Variants in SLC10A7 observed in about 807,000 individuals in gnomAD.
SLC10A7 encodes sodium/bile acid cotransporter 7.
SLC10A7 carries 29 observed loss-of-function variants against 43.2 expected under a neutral mutation model. The ratio of observed to expected loss-of-function variants is 0.67; its 90% CI spans 0.50 to 0.92. The LOEUF (loss-of-function observed/expected upper bound fraction) is 0.92, where lower values mean the gene tolerates loss of function less well. Ranked by LOEUF, SLC10A7 falls within the 40% of genes least tolerant of loss-of-function variation. The probability of loss-of-function intolerance (pLI) is 0.00; values close to 1 mark genes in which losing one functional copy is unlikely to be tolerated. For missense variants in SLC10A7, 295 were observed against 403.2 expected (o/e 0.73, Z 2.30); for synonymous variants, 152 against 144.8 (o/e 1.05, Z -0.35).
intron 5 of SLC10A7, among the ~76,000 whole-genome samples, chr4:146,390,266 G>A (rs148366506): frequency 6.6e-6 from 1 of 152,272 alleles, no homozygotes; most frequent in African/African-American, 2.4e-5. Flanking sequence ...GTACTGTAAA[G>A]CTAATAGTTA....
intron 5 of SLC10A7, among the ~76,000 whole-genome samples, chr4:146,332,432 G>A (rs537581580): frequency 1.4e-4 from 21 of 152,186 alleles, no homozygotes; most frequent in Non-Finnish European, 2.6e-4. Context: ...CACGGGGGTG[G>A]ATCCTTCATG....
chr4:146,357,194 T>C (rs903552473), intron 5 of SLC10A7, among the ~76,000 whole-genome samples: 3 of 152,230 alleles, frequency 2.0e-5, no homozygotes, highest in Non-Finnish European at 4.4e-5. Context: ...TATTTCTGTA[T>C]GTGCATAATT....
chr4:146,475,012 T>G (rs1733905489), intron 4 of SLC10A7, among the ~76,000 whole-genome samples: 1 of 152,164 alleles, frequency 6.6e-6, no homozygotes, highest in South Asian at 2.1e-4. Flanking sequence ...CCTAAGAACT[T>G]TATCTACCCA....
chr4:146,313,166 C>G (rs534646345), intron 6 of SLC10A7, among the ~76,000 whole-genome samples: 1 of 152,122 alleles, frequency 6.6e-6, no homozygotes, highest in Non-Finnish European at 1.5e-5. Context: ...TGACCCTACC[C>G]GCTTAAGGAG....
intron 5 of SLC10A7, among the ~76,000 whole-genome samples, chr4:146,395,553 C>T (rs1252458693): frequency 6.6e-6 from 1 of 152,180 alleles, no homozygotes; most frequent in Non-Finnish European, 1.5e-5. Flanking sequence ...CATATTGGTG[C>T]ACCTAATAGA....
rs759531131 is a variant in SLC10A7 at position 146,479,234 on chromosome 4, T to G, written c.396+24615A>C. On this transcript the variant is annotated intron_variant, in intron 4 of 11. Transcript: ENST00000335472. ...AACGCACTCATCTCTGATCTATTATTAAGAGAAATTGGGCATTTTAGGTTT... is the reference window on the plus strand; with the variant it reads ...AACGCACTCATCTCTGATCTATTATGAAGAGAAATTGGGCATTTTAGGTTT... 1.8e-4 allele frequency among the ~76,000 whole-genome samples: 27 copies of G among 152,170 alleles called. 1 individual carries two copies. Among genetic ancestry groups the G allele is most frequent in the South Asian group, 6.2e-4 (3 of 4,818 alleles).
intron 5 of SLC10A7, among the ~76,000 whole-genome samples, chr4:146,412,135 C>G (rs778846774): frequency 2.1e-5 from 3 of 142,372 alleles, no homozygotes; most frequent in African/African-American, 5.1e-5. Flanking sequence ...TGTCTTTTAT[C>G]TTCACTCTGT....
chr4:146,370,840 A>G (rs1380439150), intron 5 of SLC10A7, among the ~76,000 whole-genome samples: 11 of 152,198 alleles, frequency 7.2e-5, no homozygotes, highest in Non-Finnish European at 1.5e-5. Context: ...ATGACTAGAG[A>G]GTGAAGATCT....
In SLC10A7 at chr4:146,488,165, G is replaced by A. The variant is rs557951850; in HGVS notation, c.396+15684C>T. On this transcript the variant is annotated intron_variant, in intron 4 of 11. Transcript: ENST00000335472. The stretch of plus-strand genomic sequence containing the variant: ...ACGATCATACCACTGTACTTCTGCC[G>A]TGGTGACAGACTGAGACCCTGCCTC... 1.2e-4 allele frequency among the ~76,000 whole-genome samples: 18 copies of A among 152,010 alleles called. No homozygotes were observed. The South Asian group carries it at 1.5e-3, about 12-fold the overall frequency.
chr4:146,464,792 C>T (rs1732859676), intron 4 of SLC10A7, among the ~76,000 whole-genome samples: 1 of 152,048 alleles, frequency 6.6e-6, no homozygotes, highest in Non-Finnish European at 1.5e-5. Context: ...TTTTAGGTTG[C>T]AAGCAAAATA....
chr4:146,301,490 A>G (rs1413919972), intron 7 of SLC10A7, among the ~76,000 whole-genome samples: 1 of 152,154 alleles, frequency 6.6e-6, no homozygotes, highest in Non-Finnish European at 1.5e-5. Context: ...GGAGAGGAAT[A>G]ATATGAATTG....
chr4:146,425,173 A>G (rs1180733867), intron 5 of SLC10A7, among the ~76,000 whole-genome samples: 2 of 152,236 alleles, frequency 1.3e-5, no homozygotes, highest in African/African-American at 4.8e-5. Context: ...AATTCACTAG[A>G]GAAGACTGGA....
chr4:146,352,586 T>C (rs1207922297), intron 5 of SLC10A7, among the ~76,000 whole-genome samples: 7 of 147,346 alleles, frequency 4.8e-5, no homozygotes, highest in East Asian at 2.0e-4. Flanking sequence ...AATATACATT[T>C]TTTTCAGCAC....
chr4:146,303,319 C>T (rs1365049841), intron 7 of SLC10A7, among the ~76,000 whole-genome samples: 1 of 152,024 alleles, frequency 6.6e-6, no homozygotes, highest in East Asian at 1.9e-4. Flanking sequence ...CCCAGAGAAC[C>T]TGACCTAGGA....
intron 4 of SLC10A7, among the ~76,000 whole-genome samples, chr4:146,455,267 T>C (rs1731946172): frequency 6.6e-6 from 1 of 151,816 alleles, no homozygotes. Context: ...AACTTTAAAA[T>C]GGGCTTTTCC....
At position 146,495,020 on chromosome 4, in the gene SLC10A7, T is replaced by C. The variant is rs150619634; in HGVS notation, c.396+8829A>G. On this transcript the variant is annotated intron_variant, in intron 4 of 11. Transcript: ENST00000335472. ...GGAAAATAAGACTGAAGCTAAAAGG[T>C]AGATACAGTAGAAGAGTAGGGGCAT... Among the ~76,000 whole-genome samples the C allele has an allele frequency of 1.1e-4, 17 of 152,212 alleles. 1 individual carries two copies. Among genetic ancestry groups the C allele is most frequent in the African/African-American group, 3.6e-4 (15 of 41,526 alleles).
intron 6 of SLC10A7, among the ~76,000 whole-genome samples, chr4:146,322,749 G>T (rs1447893944): frequency 6.6e-6 from 1 of 152,136 alleles, no homozygotes; most frequent in East Asian, 1.9e-4. Flanking sequence ...TAATGGGATG[G>T]CTGGGTCAAA....
At chr4:146,482,762 A>G (rs7435019) in intron 4 of SLC10A7, among the ~76,000 whole-genome samples, 120,745 of 151,942 alleles carry the variant, frequency 0.79, 48,371 homozygotes, top group East Asian at 0.95. Context: ...CAAATTGATC[A>G]AATCCAAAGA....
At chr4:146,281,590 C>T (rs935769227) in intron 10 of SLC10A7, among the ~76,000 whole-genome samples, 4 of 152,100 alleles carry the variant, frequency 2.6e-5, no homozygotes, top group African/African-American at 9.7e-5. Context: ...TGCCTCTGGA[C>T]TCACTAACTT....
Sources: allele counts gnomAD v4.1 joint callset (sites outside exome capture counted in the v4.1 genomes callset), GRCh38; gene constraint gnomAD v4.1.1; transcripts MANE v1.5; gene names NCBI Gene and HGNC (gene_info 2026-07-23, HGNC 2026-07-21).